Variants in ROBO2 observed in about 807,000 individuals in gnomAD.
ROBO2 encodes roundabout homolog 2.
ROBO2 carries 53 observed loss-of-function variants against 160.8 expected under a neutral mutation model. The ratio of observed to expected loss-of-function variants is 0.33; its 90% CI spans 0.26 to 0.41. ROBO2 has a LOEUF of 0.41. Among genes scored for constraint, ROBO2 ranks in the 10% least tolerant of loss-of-function variants. ROBO2 has a pLI of 1.00. For missense variants in ROBO2, 1,577 were observed against 1,722.4 expected (o/e 0.92, Z 1.49); for synonymous variants, 664 against 611.7 (o/e 1.09, Z -1.26).
chr3:76,223,387 A>AG (rs776362492), intron 2 of ROBO2, among the ~76,000 whole-genome samples: 6 of 151,680 alleles, frequency 4.0e-5, no homozygotes, highest in African/African-American at 1.2e-4. Context: ...GGAAGTAGGT[A>AG]GGGGGGTAGG....
chr3:76,255,747 A>G (rs1351048247), intron 2 of ROBO2, among the ~76,000 whole-genome samples: 2 of 152,150 alleles, frequency 1.3e-5, no homozygotes, highest in African/African-American at 2.4e-5. Flanking sequence ...TTTATAAGAT[A>G]TTTAAAGATG....
At chr3:77,021,915 C>A (rs1451678920) in intron 2 of ROBO2, among the ~76,000 whole-genome samples, 1 of 152,184 alleles carries the variant, frequency 6.6e-6, no homozygotes. Flanking sequence ...GACTTCCCAG[C>A]CTCCAGAAAT....
intron 2 of ROBO2, among the ~76,000 whole-genome samples, chr3:77,332,141 C>T (rs139628697): frequency 3.3e-5 from 5 of 152,216 alleles, no homozygotes; most frequent in South Asian, 2.1e-4. Context: ...ATTCAGATAA[C>T]GATTCTTATA....
chr3:76,204,894 G>C (rs899153924), intron 2 of ROBO2, among the ~76,000 whole-genome samples: 7 of 152,118 alleles, frequency 4.6e-5, no homozygotes, highest in Non-Finnish European at 8.8e-5. Flanking sequence ...GGGCCTTTTT[G>C]TAAAAAATAT....
intron 2 of ROBO2, among the ~76,000 whole-genome samples, chr3:76,408,812 T>C (rs1024355119): frequency 2.0e-5 from 3 of 152,076 alleles, no homozygotes; most frequent in Non-Finnish European, 4.4e-5. Context: ...ATTTTGTAGG[T>C]ATCTGAATAT....
chr3:76,393,738 G>C (rs1428115678), intron 2 of ROBO2, among the ~76,000 whole-genome samples: 1 of 152,130 alleles, frequency 6.6e-6, no homozygotes, highest in African/African-American at 2.4e-5. Context: ...GAAGCTTTTT[G>C]AGCCATCTCT....
intron 2 of ROBO2, among the ~76,000 whole-genome samples, chr3:76,778,527 T>A (rs1413441096): frequency 2.0e-5 from 3 of 151,132 alleles, no homozygotes; most frequent in Non-Finnish European, 4.4e-5. Flanking sequence ...ACGTTGTTGT[T>A]TGAAGACTCT....
intron 2 of ROBO2, among the ~76,000 whole-genome samples, chr3:77,209,953 C>T (rs1236342361): frequency 6.6e-6 from 1 of 151,952 alleles, no homozygotes; most frequent in East Asian, 1.9e-4. Flanking sequence ...AATGTATGAC[C>T]CCAAAACATC....
At chr3:75,981,036 A>G (rs1186775620) in intron 2 of ROBO2, among the ~76,000 whole-genome samples, 1 of 151,592 alleles carries the variant, frequency 6.6e-6, no homozygotes, top group Non-Finnish European at 1.5e-5. Flanking sequence ...TAATAACATT[A>G]CAACTAGCTC....
At chr3:76,965,431 G>T (rs2079993094) in intron 2 of ROBO2, among the ~76,000 whole-genome samples, 1 of 152,144 alleles carries the variant, frequency 6.6e-6, no homozygotes, top group African/African-American at 2.4e-5. Context: ...GTCTGCAAAT[G>T]CTTCAGCTCT....
At chr3:77,204,779 C>G (rs1343853178) in intron 2 of ROBO2, among the ~76,000 whole-genome samples, 2 of 152,184 alleles carry the variant, frequency 1.3e-5, no homozygotes, top group African/African-American at 4.8e-5. Flanking sequence ...ACAGATTATC[C>G]ATGTTGTTTT....
intron 2 of ROBO2, among the ~76,000 whole-genome samples, chr3:76,512,820 C>A (rs1325339531): frequency 6.6e-6 from 1 of 152,074 alleles, no homozygotes. Context: ...ACAAATATCT[C>A]AAAATCTGCA....
intron 2 of ROBO2, among the ~76,000 whole-genome samples, chr3:77,455,012 T>C (rs1331669308): frequency 6.6e-6 from 1 of 152,172 alleles, no homozygotes; most frequent in Non-Finnish European, 1.5e-5. Flanking sequence ...AATGGATTAG[T>C]AGTTTGTTGT....
intron 2 of ROBO2, among the ~76,000 whole-genome samples, chr3:76,401,179 T>C (rs2077793128): frequency 6.6e-6 from 1 of 151,542 alleles, no homozygotes; most frequent in Non-Finnish European, 1.5e-5. Flanking sequence ...AGTTGTGTAG[T>C]CTTCAGGACT....
intron 2 of ROBO2, among the ~76,000 whole-genome samples, chr3:77,468,390 G>T (rs2083005119): frequency 6.6e-6 from 1 of 152,170 alleles, no homozygotes; most frequent in African/African-American, 2.4e-5. Flanking sequence ...GTTTATGAAT[G>T]ATCTCAACAC....
chr3:76,046,614 C>T (rs2067461398), intron 2 of ROBO2, among the ~76,000 whole-genome samples: 1 of 151,924 alleles, frequency 6.6e-6, no homozygotes, highest in Non-Finnish European at 1.5e-5. Flanking sequence ...CGCCACTGCA[C>T]TCCAGCCTGG....
At chr3:76,260,812 C>T (rs1032230019) in intron 2 of ROBO2, among the ~76,000 whole-genome samples, 1 of 152,094 alleles carries the variant, frequency 6.6e-6, no homozygotes, top group Non-Finnish European at 1.5e-5. Context: ...TAGTGTTCTA[C>T]ATCTTACAGA....
At chr3:76,156,119 G>C (rs1226721554) in intron 2 of ROBO2, among the ~76,000 whole-genome samples, 3 of 151,786 alleles carry the variant, frequency 2.0e-5, no homozygotes, top group Non-Finnish European at 4.4e-5. Context: ...CCCCCTAGTA[G>C]TTTAAATGCC....
At chr3:76,054,293 G>C (rs117355904) in intron 2 of ROBO2, among the ~76,000 whole-genome samples, 1 of 151,898 alleles carries the variant, frequency 6.6e-6, no homozygotes, top group Non-Finnish European at 1.5e-5. Flanking sequence ...AGTTCTTTAG[G>C]TCAGATGGAA....
Sources: allele counts gnomAD v4.1 joint callset (sites outside exome capture counted in the v4.1 genomes callset), GRCh38; gene constraint gnomAD v4.1.1; transcripts MANE v1.5; gene names NCBI Gene and HGNC (gene_info 2026-07-23, HGNC 2026-07-21).